Variants in EGFR observed in about 807,000 individuals in gnomAD.
EGFR encodes epidermal growth factor receptor.
EGFR carries 58 observed loss-of-function variants against 143.0 expected under a neutral mutation model. The observed-to-expected ratio is 0.41, with a 90% confidence interval of 0.33 to 0.50. The LOEUF (loss-of-function observed/expected upper bound fraction) is 0.50, where lower values mean the gene tolerates loss of function less well. EGFR is among the 20% of genes least tolerant of loss of function. The pLI, the probability that EGFR is intolerant of heterozygous loss-of-function variation, is 0.39. For missense variants in EGFR, 1,307 were observed against 1,579.0 expected (o/e 0.83, Z 2.92); for synonymous variants, 613 against 594.4 (o/e 1.03, Z -0.45).
intron 15 of EGFR, chr7:55,170,625 A>T (rs1786301331): frequency 1.2e-6 from 2 of 1,602,752 alleles, no homozygotes; most frequent in Non-Finnish European, 1.7e-6. Context: ...TCCCAAGAGT[A>T]TCCTACCCAT....
chr7:55,121,866 G>A (rs1462772028), intron 1 of EGFR, among the ~76,000 whole-genome samples: 1 of 152,168 alleles, frequency 6.6e-6, no homozygotes, highest in African/African-American at 2.4e-5. Flanking sequence ...CAGTGACCTT[G>A]ACTGGGAATG....
Position 55,202,513 on chromosome 7 carries a change from G to A in EGFR, c.3163-4G>A, listed in dbSNP as rs2128972984. On this transcript the variant is annotated splice_region_variant and splice_polypyrimidine_tract_variant and intron_variant, in intron 26 of 27. Transcript: ENST00000275493. The stretch of plus-strand genomic sequence containing the variant: ...GAGTAACCTTCCCTCATTTCCTCCT[G>A]CAGCTGCAAAGCTGTCCCATCAAGG... 6.2e-7 allele frequency: 1 copy of A among 1,602,778 alleles called. No homozygotes were observed. The highest frequency in any genetic ancestry group is 8.5e-7 in the Non-Finnish European group (1 of 1,174,712).
intron 1 of EGFR, among the ~76,000 whole-genome samples, chr7:55,112,272 C>G (rs550502595): frequency 6.6e-6 from 1 of 152,352 alleles, no homozygotes; most frequent in East Asian, 1.9e-4. Context: ...AGTGCTGTGG[C>G]TCAGGGTCAT....
chr7:55,090,505 C>A (rs1791047060), intron 1 of EGFR, among the ~76,000 whole-genome samples: 1 of 152,092 alleles, frequency 6.6e-6, no homozygotes, highest in African/African-American at 2.4e-5. Flanking sequence ...ATTTAGGATT[C>A]AGATATAATA....
intron 1 of EGFR, among the ~76,000 whole-genome samples, chr7:55,029,359 G>A (rs986443791): frequency 1.3e-5 from 2 of 152,102 alleles, no homozygotes; most frequent in Non-Finnish European, 2.9e-5. Context: ...ATTTATGAGT[G>A]AGAATAGTGT....
chr7:55,179,488 T>C (rs561482333), intron 19 of EGFR, among the ~76,000 whole-genome samples: 79 of 152,290 alleles, frequency 5.2e-4, no homozygotes, highest in African/African-American at 1.9e-3. Flanking sequence ...AGGTGGGTTC[T>C]GGGGACAGAG....
chr7:55,043,515 C>G lies in EGFR; in HGVS notation c.88+24150C>G, dbSNP rs539901344. ...TAGCTGGGATTACAGGTGTGCACCA[C>G]TACACTCAGCTAATTTTTGCATTTT... is the stretch of plus-strand genomic sequence containing the variant. On this transcript the variant is annotated intron_variant, in intron 1 of 27. Transcript: ENST00000275493. Among the ~76,000 whole-genome samples the G allele has an allele frequency of 2.6e-5, 4 of 152,264 alleles. No homozygotes were observed. In the East Asian group the frequency reaches 7.7e-4, roughly 29 times the overall value.
At chr7:55,083,243 A>C (rs768773833) in intron 1 of EGFR, among the ~76,000 whole-genome samples, 1 of 152,262 alleles carries the variant, frequency 6.6e-6, no homozygotes, top group Non-Finnish European at 1.5e-5. Flanking sequence ...GACTTTATTT[A>C]GTAGCATTAA....
At chr7:55,140,920 GA>G (rs1794420363) in intron 1 of EGFR, among the ~76,000 whole-genome samples, 1 of 152,226 alleles carries the variant, frequency 6.6e-6, no homozygotes, top group East Asian at 1.9e-4. Context: ...TGTGCTGTCT[GA>G]ACATGTGCTC....
chr7:55,020,441 T>C lies in EGFR; in HGVS notation c.88+1076T>C, dbSNP rs1212678489. Among the ~76,000 whole-genome samples the C allele has an allele frequency of 1.1e-4, 16 of 152,314 alleles. No individual in the cohort carries two copies. The East Asian group carries it at 2.7e-3, about 26-fold the overall frequency. ...GCAGAGCTCATCCTGGCCAACACCATGGTGTTTCAAAATGGGGCTCACAGC... is the reference window on the plus strand; with the variant it reads ...GCAGAGCTCATCCTGGCCAACACCACGGTGTTTCAAAATGGGGCTCACAGC... On this transcript the variant is annotated intron_variant, in intron 1 of 27. Transcript: ENST00000275493.
At chr7:55,075,288 C>G (rs1451870243) in intron 1 of EGFR, among the ~76,000 whole-genome samples, 1 of 152,208 alleles carries the variant, frequency 6.6e-6, no homozygotes, top group Non-Finnish European at 1.5e-5. Context: ...CCTCCAGCTT[C>G]CTCCACACCG....
At chr7:55,116,396 C>A (rs757583402) in intron 1 of EGFR, among the ~76,000 whole-genome samples, 13 of 152,202 alleles carry the variant, frequency 8.5e-5, no homozygotes, top group Non-Finnish European at 1.5e-4. Context: ...CTCCTAAGAG[C>A]CTCACCACAA....
At chr7:55,149,658 T>C (rs541803027) in intron 4 of EGFR, among the ~76,000 whole-genome samples, 1 of 152,244 alleles carries the variant, frequency 6.6e-6, no homozygotes, top group South Asian at 2.1e-4. Context: ...GACCAATCAA[T>C]ATCACATTTC....
At chr7:55,157,479 G>A (rs1327969586) in intron 10 of EGFR, among the ~76,000 whole-genome samples, 184 bp from the exon 11 acceptor site, 1 of 152,208 alleles carries the variant, frequency 6.6e-6, no homozygotes, top group Admixed American at 6.5e-5. Flanking sequence ...TGTGAACTGT[G>A]GCTCGGCCTG....
At chr7:55,134,951 C>G (rs1001990745) in intron 1 of EGFR, among the ~76,000 whole-genome samples, 1 of 152,142 alleles carries the variant, frequency 6.6e-6, no homozygotes, top group African/African-American at 2.4e-5. Flanking sequence ...TGAGACCCAG[C>G]ATGTTGAGAT....
At chr7:55,042,595 G>T (rs1787957102) in intron 1 of EGFR, among the ~76,000 whole-genome samples, 1 of 152,066 alleles carries the variant, frequency 6.6e-6, no homozygotes, top group African/African-American at 2.4e-5. Context: ...TGCAAAGGGG[G>T]TTAATGCAGG....
chr7:55,197,806 A>G (rs1787680218), intron 22 of EGFR, among the ~76,000 whole-genome samples: 1 of 152,154 alleles, frequency 6.6e-6, no homozygotes, highest in Non-Finnish European at 1.5e-5. Context: ...ACATTTATTG[A>G]TTTGCATATG....
At chr7:55,128,485 CA>C (rs1793655005) in intron 1 of EGFR, among the ~76,000 whole-genome samples, 2 of 151,994 alleles carry the variant, frequency 1.3e-5, no homozygotes, top group Non-Finnish European at 2.9e-5. Flanking sequence ...TTTCAAAAAG[CA>C]AAAGAAAACC....
At chr7:55,099,161 C>T (rs550914964) in intron 1 of EGFR, among the ~76,000 whole-genome samples, 24 of 152,320 alleles carry the variant, frequency 1.6e-4, no homozygotes, top group African/African-American at 5.5e-4. Flanking sequence ...TCTCTGTGTT[C>T]CTCTGTTGAT....
Sources: gnomAD v4.1 joint callset for allele counts (sites outside exome capture counted in the v4.1 genomes callset) on GRCh38, gnomAD v4.1.1 for gene constraint, MANE v1.5 for transcripts, NCBI Gene and HGNC (gene_info 2026-07-23, HGNC 2026-07-21) for gene names.